Variants in COQ2 observed in about 807,000 individuals in gnomAD.
COQ2 encodes 4-hydroxybenzoate polyprenyltransferase, mitochondrial.
A neutral mutation model predicts 35.7 loss-of-function variants in COQ2; 25 were observed. The ratio of observed to expected loss-of-function variants is 0.70; its 90% CI spans 0.51 to 0.98. COQ2 has a LOEUF of 0.98. COQ2 is among the 50% of genes least tolerant of loss of function. The pLI is 0.00. For missense variants in COQ2, 488 were observed against 473.5 expected (o/e 1.03, Z -0.28); for synonymous variants, 206 against 186.2 (o/e 1.11, Z -0.86).
At chr4:83,280,592 C>A (rs1256091373) in intron 1 of COQ2, among the ~76,000 whole-genome samples, 1 of 152,188 alleles carries the variant, frequency 6.6e-6, no homozygotes, top group Non-Finnish European at 1.5e-5. Flanking sequence ...GTTAAATAAG[C>A]AATAACAATA....
chr4:83,282,656 G>T, intron 1 of COQ2: 4 of 341,034 alleles, frequency 1.2e-5, no homozygotes, highest in Non-Finnish European at 1.7e-5. Flanking sequence ...ATTATGACAG[G>T]CACTGTTCTA....
intron 1 of COQ2, among the ~76,000 whole-genome samples, chr4:83,281,802 C>T (rs533734095): frequency 1.3e-5 from 2 of 152,044 alleles, no homozygotes; most frequent in Non-Finnish European, 2.9e-5. Context: ...TAATTGTGCC[C>T]AAGACCACAC....
At chr4:83,266,913 A>T (rs550380810) in intron 6 of COQ2, 1 of 287,856 alleles carries the variant, frequency 3.5e-6, no homozygotes, top group South Asian at 2.8e-5. Flanking sequence ...CATCACTAGA[A>T]ACCCAGATTT....
intron 5 of COQ2, among the ~76,000 whole-genome samples, chr4:83,269,258 T>C (rs1363953963): frequency 2.6e-5 from 4 of 152,184 alleles, no homozygotes; most frequent in African/African-American, 9.7e-5. Context: ...GTACATCGAA[T>C]TTATGGCATG....
In COQ2 at chr4:83,284,585, C is replaced by CGCGGACAAACTGAGCTG. The variant is rs1466843900; in HGVS notation, c.163_179dup (p.Ala61SerfsTer67). ...GGGGCGCAGAGTCCACCACCGCCGC[C>CGCGGACAAACTGAGCTG]GCGGACAAACTGAGCTGGCGCCCGC... On this transcript the variant is annotated frameshift_variant, in exon 1 of 7. Transcript: ENST00000647002. LOFTEE classifies it high-confidence loss of function. The CGCGGACAAACTGAGCTG allele has an allele frequency of 7.8e-6, 12 of 1,547,658 alleles. No homozygotes were observed. Among genetic ancestry groups the CGCGGACAAACTGAGCTG allele is most frequent in the Admixed American group, 3.9e-5 (2 of 51,334 alleles).
At chr4:83,276,830 GTATATATA>G (rs1433127855) in intron 2 of COQ2, among the ~76,000 whole-genome samples, 1 of 152,072 alleles carries the variant, frequency 6.6e-6, no homozygotes, top group African/African-American at 2.4e-5. Flanking sequence ...AAAAAATGTG[GTATATATA>G]CACCATGGAA....
At chr4:83,274,816 A>G (rs1426292115) in intron 2 of COQ2, among the ~76,000 whole-genome samples, 1 of 152,216 alleles carries the variant, frequency 6.6e-6, no homozygotes, top group African/African-American at 2.4e-5. Flanking sequence ...AACAAATATT[A>G]GATCATTTGT....
intron 1 of COQ2, among the ~76,000 whole-genome samples, chr4:83,280,685 G>A (rs1436863789): frequency 6.6e-6 from 1 of 152,222 alleles, no homozygotes; most frequent in African/African-American, 2.4e-5. Context: ...GCTAGTTTTA[G>A]GAGGAGGGAG....
At chr4:83,283,340 C>T (rs1451204254) in intron 1 of COQ2, 3 of 985,292 alleles carry the variant, frequency 3.0e-6, no homozygotes, top group African/African-American at 1.7e-5. Context: ...TCTTCCTCCA[C>T]GCTATCCAGC....
intron 5 of COQ2, 48 bp downstream of exon 5, chr4:83,269,812 A>T: frequency 7.0e-7 from 1 of 1,433,102 alleles, no homozygotes; most frequent in Non-Finnish European, 9.3e-7. Flanking sequence ...TTGGTTCTTT[A>T]AAAACAGCAA....
At chr4:83,268,022 C>T (rs1197511207) in intron 5 of COQ2, among the ~76,000 whole-genome samples, 1 of 152,146 alleles carries the variant, frequency 6.6e-6, no homozygotes, top group African/African-American at 2.4e-5. Context: ...CAAAGCTAAA[C>T]ACCACTGCTA....
chr4:83,264,059 T>A lies in COQ2; in HGVS notation c.*140A>T. The A allele has an allele frequency of 3.3e-6, 2 of 599,112 alleles. No individual in the cohort carries two copies. Among genetic ancestry groups the A allele is most frequent in the Non-Finnish European group, 5.3e-6 (2 of 375,148 alleles). 37.1% of individuals were successfully genotyped at this position (599,112 alleles called of 1,614,324 possible). On this transcript the variant is annotated 3_prime_UTR_variant, in exon 7 of 7. Transcript: ENST00000647002. ...GACAAGGGGGAATTTTGCTAGCAAA[T>A]AAGTAAAATCCAGGTAAATATGCTC... is the stretch of plus-strand genomic sequence containing the variant.
intron 1 of COQ2, among the ~76,000 whole-genome samples, chr4:83,279,563 T>C (rs1735265008): frequency 6.6e-6 from 1 of 152,026 alleles, no homozygotes; most frequent in Non-Finnish European, 1.5e-5. Context: ...AAATTGTTTA[T>C]TGTGTGTTTA....
chr4:83,279,915 C>CA (rs1321593047), intron 1 of COQ2, among the ~76,000 whole-genome samples: 4 of 136,266 alleles, frequency 2.9e-5, no homozygotes, highest in Non-Finnish European at 6.1e-5. Flanking sequence ...AGCTGGCGTA[C>CA]AATGGCATAA....
chr4:83,273,207 T>C (rs1390778974), intron 3 of COQ2, among the ~76,000 whole-genome samples: 1 of 152,238 alleles, frequency 6.6e-6, no homozygotes, highest in Non-Finnish European at 1.5e-5. Flanking sequence ...CACACATCCA[T>C]GCACGCACTT....
At chr4:83,268,496 G>A (rs1734974840) in intron 5 of COQ2, among the ~76,000 whole-genome samples, 1 of 152,166 alleles carries the variant, frequency 6.6e-6, no homozygotes, top group Non-Finnish European at 1.5e-5. Flanking sequence ...GCTCTCTTTT[G>A]GGGCCCAAAT....
At position 83,279,015 on chromosome 4, in the gene COQ2, C is replaced by T; in HGVS notation, c.353G>A (p.Gly118Glu). ...GCCTGCTCCACGCATCAGAATAGCTCCAGTGCCAAAGAGGGAGAGCATGTA... is the reference window on the plus strand; with the variant it reads ...GCCTGCTCCACGCATCAGAATAGCTTCAGTGCCAAAGAGGGAGAGCATGTA... ...DWYMLSLFGT[G>E]AILMRGAGCT... Residue 118 changes from glycine (G) to glutamate (E), a missense_variant, in exon 2 of 7, where the codon GGA becomes GAA. Coordinates refer to ENST00000647002, the MANE Select transcript of COQ2 (RefSeq NM_001358921.2). The T allele has an allele frequency of 6.2e-7, 1 of 1,608,254 alleles. No individual in the cohort carries two copies. The highest frequency in any genetic ancestry group is 8.5e-7 in the Non-Finnish European group (1 of 1,177,136).
At position 83,278,932 on chromosome 4, in the gene COQ2, T is replaced by C. The variant is rs1479115525; in HGVS notation, c.420+16A>G. ...ATTGAGAAGAGCCTCTCTATTCCTTTTCAGGATGAAATTACCTTTTTATCA... is the reference window on the plus strand; with the variant it reads ...ATTGAGAAGAGCCTCTCTATTCCTTCTCAGGATGAAATTACCTTTTTATCA... On this transcript the variant is annotated intron_variant, in intron 2 of 6. Coordinates refer to ENST00000647002, the MANE Select transcript of COQ2 (RefSeq NM_001358921.2). 2.6e-6 allele frequency: 4 copies of C among 1,558,696 alleles called. No homozygotes were observed. Among genetic ancestry groups the C allele is most frequent in the Non-Finnish European group, 3.5e-6 (4 of 1,154,768 alleles).
intron 1 of COQ2, chr4:83,282,588 A>G (rs1735350799): frequency 5.4e-6 from 5 of 925,440 alleles, no homozygotes; most frequent in Non-Finnish European, 6.4e-6. Flanking sequence ...ACAATCTGTA[A>G]GTACAATTTT....
Sources: allele counts gnomAD v4.1 joint callset (sites outside exome capture counted in the v4.1 genomes callset), GRCh38; gene constraint gnomAD v4.1.1; transcripts MANE v1.5; gene names NCBI Gene and HGNC (gene_info 2026-07-23, HGNC 2026-07-21).